The following SPATS1 variants were observed in gnomAD, a reference collection of about 807,000 sequenced individuals.
The protein encoded by SPATS1 is spermatogenesis-associated serine-rich protein 1.
Under a neutral mutation model 33.6 loss-of-function variants are expected in SPATS1, and 23 were observed. The observed-to-expected ratio is 0.68, with a 90% CI of 0.49 to 0.97. The LOEUF is 0.97. SPATS1 is among the 50% of genes least tolerant of loss of function. SPATS1 has a pLI of 0.00. For missense variants in SPATS1, 327 were observed against 361.0 expected (o/e 0.91, Z 0.76); for synonymous variants, 131 against 125.6 (o/e 1.04, Z -0.29).
At chr6:44,368,982 T>C (rs1017080239) in intron 6 of SPATS1, among the ~76,000 whole-genome samples, 13 of 151,314 alleles carry the variant, frequency 8.6e-5, no homozygotes, top group South Asian at 2.1e-4. Flanking sequence ...CTGCAAGCTC[T>C]GCCTCCTGGG....
chr6:44,368,266 A>G, intron 5 of SPATS1, 113 bp from the exon 6 acceptor site: 1 of 1,077,332 alleles, frequency 9.3e-7, no homozygotes, highest in Non-Finnish European at 1.3e-6. Flanking sequence ...CTTCTATGTA[A>G]TTTATAATAA....
rs189623963 is a variant in SPATS1 at position 44,352,958 on chromosome 6, T to G, written c.287+85T>G. 224 of 1,429,316 alleles carry G rather than the reference T, an allele frequency of 1.6e-4. 2 individuals carry two copies. The East Asian group carries it at 5.1e-3, about 33-fold the overall frequency. 88.5% of individuals were successfully genotyped at this position (1,429,316 alleles called of 1,614,324 possible). ...TAGTCTGAGAGGTAGCATGGTATGC[T>G]TGGCAAGAGCATGGATTCTGGAGCT... On this transcript the variant is annotated intron_variant, in intron 3 of 8. Coordinates refer to ENST00000674044, the MANE Select transcript of SPATS1 (RefSeq NM_001372081.1).
chr6:44,353,813 G>A (rs770810296), intron 3 of SPATS1, among the ~76,000 whole-genome samples: 10 of 149,090 alleles, frequency 6.7e-5, no homozygotes, highest in Non-Finnish European at 1.3e-4. Flanking sequence ...CGAGGCTGGT[G>A]GATCACGAGG....
chr6:44,354,120 G>A (rs1788419561), intron 3 of SPATS1, among the ~76,000 whole-genome samples: 1 of 151,482 alleles, frequency 6.6e-6, no homozygotes, highest in South Asian at 2.1e-4. Flanking sequence ...GGGAGGTTGA[G>A]GCCAGGAGTT....
intron 2 of SPATS1, among the ~76,000 whole-genome samples, chr6:44,345,780 A>G (rs146291264): frequency 3.3e-5 from 5 of 152,162 alleles, no homozygotes; most frequent in Admixed American, 6.5e-5. Context: ...TGGCTTTTTC[A>G]TAGATACATT....
At chr6:44,361,389 G>C (rs1788910618) in intron 4 of SPATS1, 1 of 985,250 alleles carries the variant, frequency 1.0e-6, no homozygotes, top group African/African-American at 1.7e-5. Context: ...TGCTATTGTT[G>C]CAGCCAACAC....
chr6:44,365,133 A>G (rs1426492851), intron 5 of SPATS1, among the ~76,000 whole-genome samples: 2 of 152,220 alleles, frequency 1.3e-5, no homozygotes, highest in African/African-American at 4.8e-5. Flanking sequence ...AGGCTCAGGG[A>G]CTGCCAACCA....
intron 8 of SPATS1, 93 bp from the exon 9 acceptor site, chr6:44,376,942 G>A: frequency 6.8e-7 from 1 of 1,466,390 alleles, no homozygotes; most frequent in East Asian, 2.3e-5. Flanking sequence ...ATGGGCAGAT[G>A]TCATAGCCAA....
At chr6:44,347,057 A>AGTTCATGTCCTTTGCAGGGG (rs1787935974) in intron 2 of SPATS1, among the ~76,000 whole-genome samples, 1 of 152,238 alleles carries the variant, frequency 6.6e-6, no homozygotes, top group East Asian at 1.9e-4. Context: ...AAAAAGGATG[A>AGTTCATGTCCTTTGCAGGGG]GTTCATGTCC....
At position 44,360,376 on chromosome 6, in the gene SPATS1, TA is replaced by T. The variant is rs1443340313; in HGVS notation, c.288-67del. ...CTCATAAGCGAGGGCAATTCTAGGG[TA>T]AACTATGTGAGATCAGGCTGTAACT... is the stretch of plus-strand genomic sequence containing the variant. On this transcript the variant is annotated intron_variant, in intron 3 of 8. Transcript: ENST00000674044. The T allele has an allele frequency of 3.1e-6, 5 of 1,600,162 alleles. No individual in the cohort carries two copies. The African/African-American group carries it at 6.7e-5, about 21-fold the overall frequency.
chr6:44,349,945 G>A (rs4714782), intron 2 of SPATS1, among the ~76,000 whole-genome samples: 119,236 of 152,088 alleles, frequency 0.78, 46,837 homozygotes, highest in Admixed American at 0.81. Context: ...TTTGTGGCTT[G>A]GTATATGGGT....
Position 44,370,033 on chromosome 6 carries a change from G to A in SPATS1, c.696-18G>A. ...TAGATGGCATACCAGTTTTATGATT[G>A]CCTTTTCTGTTTTTCAGAGTGCCTT... On this transcript the variant is annotated intron_variant, in intron 6 of 8. Coordinates refer to ENST00000674044, the MANE Select transcript of SPATS1 (RefSeq NM_001372081.1). The A allele has an allele frequency of 6.2e-7, 1 of 1,601,324 alleles. No individual in the cohort carries two copies.
rs756451297 is a variant in SPATS1, at chr6:44,361,949, A to T, written c.531A>T (p.Leu177=). ...NGVFLGNKRS[L]SERTVDKCFG... ...TCTTCCTCGGCAACAAGAGGTCTCT[A>T]TCAGAGAGGACGGTGGACAAGTGCT... Residue 177 remains leucine (L), a synonymous_variant, in exon 5 of 9, where the codon CTA becomes CTT. Coordinates refer to ENST00000674044, the MANE Select transcript of SPATS1 (RefSeq NM_001372081.1). The T allele has an allele frequency of 6.2e-7, 1 of 1,614,248 alleles. No individual in the cohort carries two copies. The highest frequency in any genetic ancestry group is 8.5e-7 in the Non-Finnish European group (1 of 1,180,042).
At chr6:44,369,952 A>T (rs1460220968) in intron 6 of SPATS1, 99 bp from the exon 7 acceptor site, 2 of 716,788 alleles carry the variant, frequency 2.8e-6, no homozygotes, top group Non-Finnish European at 4.4e-6. Flanking sequence ...CTTGAAAATT[A>T]AAATCGGAAA....
At chr6:44,370,191 A>G (rs910837281) in intron 7 of SPATS1, 78 bp downstream of exon 7, 1 of 1,360,084 alleles carries the variant, frequency 7.4e-7, no homozygotes, top group Non-Finnish European at 1.0e-6. Flanking sequence ...TATGTGGAGG[A>G]GCAGGTAGAT....
At chr6:44,349,490 A>G (rs1173958026) in intron 2 of SPATS1, among the ~76,000 whole-genome samples, 7 of 152,166 alleles carry the variant, frequency 4.6e-5, no homozygotes, top group Admixed American at 3.9e-4. Context: ...CCTTCTTTAT[A>G]TATGTGCATG....
At chr6:44,370,259 A>T in intron 7 of SPATS1, 146 bp downstream of exon 7, 1 of 665,482 alleles carries the variant, frequency 1.5e-6, no homozygotes, top group Non-Finnish European at 2.6e-6. Flanking sequence ...TTTGTAAGGA[A>T]GGTGTTTGGA....
intron 1 of SPATS1, 87 bp from the exon 2 acceptor site, chr6:44,343,009 T>G: frequency 4.6e-6 from 7 of 1,529,148 alleles, no homozygotes; most frequent in Non-Finnish European, 5.4e-6. Context: ...GCTTGTGGAA[T>G]TTGTTTGTTT....
intron 3 of SPATS1, among the ~76,000 whole-genome samples, chr6:44,355,649 C>G (rs1398493838): frequency 6.6e-6 from 1 of 152,140 alleles, no homozygotes; most frequent in Admixed American, 6.5e-5. Flanking sequence ...AAAGTAAATT[C>G]CTAGAAATGG....
Sources: gnomAD v4.1 joint callset for allele counts (sites outside exome capture counted in the v4.1 genomes callset) on GRCh38, gnomAD v4.1.1 for gene constraint, MANE v1.5 for transcripts, NCBI Gene and HGNC (gene_info 2026-07-23, HGNC 2026-07-21) for gene names.